Variants in VWC2L observed in about 807,000 individuals in gnomAD.
The protein encoded by VWC2L is von Willebrand factor C domain containing 2 like.
A neutral mutation model predicts 21.6 loss-of-function variants in VWC2L; 10 were observed. The ratio of observed to expected loss-of-function variants is 0.46; its 90% CI spans 0.29 to 0.78. VWC2L has a LOEUF of 0.78. VWC2L is among the 30% of genes least tolerant of loss of function. The pLI is 0.10. For synonymous variants in VWC2L, 96 were observed against 94.3 expected, an observed-to-expected ratio of 1.02 and a Z score of -0.10; for missense variants, 209 against 277.1, an observed-to-expected ratio of 0.75 and a Z score of 1.74.
At chr2:214,549,371 C>A (rs1041946067) in intron 3 of VWC2L, among the ~76,000 whole-genome samples, 1 of 152,324 alleles carries the variant, frequency 6.6e-6, no homozygotes. Flanking sequence ...AATATAGCAA[C>A]TTCACCAATT....
At chr2:214,536,539 GA>G (rs1342115189) in intron 3 of VWC2L, among the ~76,000 whole-genome samples, 3 of 151,774 alleles carry the variant, frequency 2.0e-5, no homozygotes, top group African/African-American at 7.3e-5. Flanking sequence ...GAGTAAAAAT[GA>G]AAAAAAGCAT....
At chr2:214,426,121 G>A (rs1191676366) in intron 2 of VWC2L, among the ~76,000 whole-genome samples, 1 of 142,888 alleles carries the variant, frequency 7.0e-6, no homozygotes, top group African/African-American at 2.6e-5. Context: ...TCAGTGAGCC[G>A]AGTTCTGGCC....
At chr2:214,554,473 G>A (rs937995942) in intron 3 of VWC2L, among the ~76,000 whole-genome samples, 2 of 152,198 alleles carry the variant, frequency 1.3e-5, no homozygotes, top group African/African-American at 4.8e-5. Context: ...AGACCGGCCT[G>A]AATAACATGG....
chr2:214,441,800 A>AT (rs1243893176), intron 3 of VWC2L, among the ~76,000 whole-genome samples: 1 of 151,910 alleles, frequency 6.6e-6, no homozygotes, highest in Non-Finnish European at 1.5e-5. Context: ...AATACATATC[A>AT]TTTTGTATGT....
intron 3 of VWC2L, among the ~76,000 whole-genome samples, chr2:214,519,155 C>T (rs575399575): frequency 8.2e-4 from 125 of 152,272 alleles, no homozygotes; most frequent in African/African-American, 2.7e-3. Context: ...AGGGAGGAAA[C>T]GCAGAGATTC....
At chr2:214,441,972 C>T (rs1025418509) in intron 3 of VWC2L, among the ~76,000 whole-genome samples, 1 of 150,006 alleles carries the variant, frequency 6.7e-6, no homozygotes, top group Admixed American at 6.6e-5. Flanking sequence ...AGTGCAGTGG[C>T]ACAATCTCAG....
rs114067990 is a variant in VWC2L at position 214,482,489 on chromosome 2, A to C, written c.520+45731A>C. ...CACACATATATACGTGTATGTATGTATGTATGTATATATATGTGTGTATGT... is the reference window on the plus strand; with the variant it reads ...CACACATATATACGTGTATGTATGTCTGTATGTATATATATGTGTGTATGT... On this transcript the variant is annotated intron_variant, in intron 3 of 3. Transcript: ENST00000312504. 9.1e-3 allele frequency among the ~76,000 whole-genome samples: 1,380 copies of C among 151,408 alleles called. 25 individuals carry two copies. Among genetic ancestry groups the C allele is most frequent in the African/African-American group, 0.032 (1,310 of 41,138 alleles).
intron 3 of VWC2L, among the ~76,000 whole-genome samples, chr2:214,449,107 C>G (rs898494721): frequency 3.9e-5 from 6 of 152,194 alleles, no homozygotes; most frequent in Admixed American, 6.5e-5. Flanking sequence ...ATATAAGTAA[C>G]TAAACTGGTG....
chr2:214,535,820 A>G (rs1034417144), intron 3 of VWC2L, among the ~76,000 whole-genome samples: 2 of 148,108 alleles, frequency 1.4e-5, no homozygotes, highest in Admixed American at 6.8e-5. Flanking sequence ...ACACACACAC[A>G]CTAGTCTGTA....
chr2:214,442,390 G>T (rs541791043), intron 3 of VWC2L, among the ~76,000 whole-genome samples: 1 of 151,998 alleles, frequency 6.6e-6, no homozygotes, highest in Admixed American at 6.6e-5. Flanking sequence ...ATGTGAACAG[G>T]TAGTTCACAT....
chr2:214,570,416 T>C (rs1248064573), intron 3 of VWC2L, among the ~76,000 whole-genome samples: 2 of 152,244 alleles, frequency 1.3e-5, no homozygotes, highest in Non-Finnish European at 2.9e-5. Flanking sequence ...CAAGCTGGAA[T>C]GCCATGGCGT....
At chr2:214,568,841 A>T (rs6435833) in intron 3 of VWC2L, among the ~76,000 whole-genome samples, 46,678 of 151,874 alleles carry the variant, frequency 0.31, 8,549 homozygotes, top group African/African-American at 0.53. Flanking sequence ...AATAGATAGG[A>T]TCCTCCTCTT....
intron 3 of VWC2L, chr2:214,472,098 T>C (rs1044814011): frequency 6.6e-6 from 1 of 152,106 alleles, no homozygotes; most frequent in African/African-American, 2.4e-5. Context: ...CTATATCTAG[T>C]AGGGAAAAGG....
intron 3 of VWC2L, among the ~76,000 whole-genome samples, chr2:214,534,399 C>T (rs1689491366): frequency 6.6e-6 from 1 of 152,050 alleles, no homozygotes; most frequent in South Asian, 2.1e-4. Flanking sequence ...GATAAAAACG[C>T]ATAACAACTG....
At chr2:214,435,440 T>A (rs1247328901) in intron 2 of VWC2L, among the ~76,000 whole-genome samples, 1 of 152,180 alleles carries the variant, frequency 6.6e-6, no homozygotes, top group African/African-American at 2.4e-5. Context: ...GCTGTCATTC[T>A]CCAAGCAAAA....
chr2:214,470,010 C>T (rs981160808), intron 3 of VWC2L, among the ~76,000 whole-genome samples: 44 of 151,820 alleles, frequency 2.9e-4, no homozygotes, highest in African/African-American at 9.4e-4. Context: ...TTAAACAGTT[C>T]GGAAAAAAAA....
At position 214,553,802 on chromosome 2, in the gene VWC2L, T is replaced by C. The variant is rs183164263; in HGVS notation, c.521-21870T>C. On this transcript the variant is annotated intron_variant, in intron 3 of 3. Transcript: ENST00000312504. ...TTTCAGGTTAACTTTGGAATGCCCTTGGCCAAGGGGAAGGTCCATCAGTTG... is the reference window on the plus strand; with the variant it reads ...TTTCAGGTTAACTTTGGAATGCCCTCGGCCAAGGGGAAGGTCCATCAGTTG... Among the ~76,000 whole-genome samples the C allele has an allele frequency of 1.6e-3, 248 of 152,266 alleles. 1 individual carries two copies. Among genetic ancestry groups the C allele is most frequent in the Non-Finnish European group, 2.4e-3 (162 of 68,022 alleles).
rs553895606 is a variant in VWC2L at position 214,464,102 on chromosome 2, TTC to T, written c.520+27348_520+27349del. ...GCATCCTGAAATCAGCTCTTTTGAT[TTC>T]TCTGTCTGAACGGTCACATATCTTT... On this transcript the variant is annotated intron_variant, in intron 3 of 3. Coordinates refer to ENST00000312504, the MANE Select transcript of VWC2L (RefSeq NM_001080500.4). Among the ~76,000 whole-genome samples, 13 of 152,304 alleles carry T rather than the reference TTC, an allele frequency of 8.5e-5. No homozygotes were observed. The East Asian group carries it at 2.1e-3, about 25-fold the overall frequency.
intron 3 of VWC2L, among the ~76,000 whole-genome samples, chr2:214,477,780 T>C (rs1485037054): frequency 6.6e-6 from 1 of 152,282 alleles, no homozygotes; most frequent in Non-Finnish European, 1.5e-5. Context: ...TTCATCTTTC[T>C]TTGAGTTTCA....
Sources: gnomAD v4.1 joint callset for allele counts (sites outside exome capture counted in the v4.1 genomes callset) on GRCh38, gnomAD v4.1.1 for gene constraint, MANE v1.5 for transcripts, NCBI Gene and HGNC (gene_info 2026-07-23, HGNC 2026-07-21) for gene names.